METTL25B: variants seen among roughly 807,000 people sequenced by gnomAD.
METTL25B encodes the protein methyltransferase-like protein 25B.
METTL25B carries 38 observed loss-of-function variants against 48.4 expected under a neutral mutation model. The observed-to-expected ratio is 0.78, with a 90% confidence interval of 0.61 to 1.03. METTL25B has a LOEUF of 1.03. Among genes scored for constraint, METTL25B ranks in the 50% least tolerant of loss-of-function variants. The pLI, the probability that METTL25B is intolerant of heterozygous loss-of-function variation, is 0.00. For synonymous variants in METTL25B, 230 were observed against 254.5 expected, an observed-to-expected ratio of 0.90 and a Z score of 0.92; for missense variants, 537 against 603.7, an observed-to-expected ratio of 0.89 and a Z score of 1.16.
At chr1:156,736,457 G>A (rs1329771089) in intron 7 of METTL25B, 175 bp from the exon 8 acceptor site, 20 of 655,172 alleles carry the variant, frequency 3.1e-5, no homozygotes, top group Non-Finnish European at 5.0e-5. Flanking sequence ...AATGCAAGAG[G>A]ACTGCCTCCC....
intron 1 of METTL25B, among the ~76,000 whole-genome samples, chr1:156,730,313 G>T (rs907530955): frequency 6.6e-6 from 1 of 152,188 alleles, no homozygotes; most frequent in African/African-American, 2.4e-5. Flanking sequence ...CTGCTGGCCT[G>T]ATTTCTGTTC....
Position 156,734,401 on chromosome 1 carries a change from A to C in METTL25B, c.1029A>C (p.Ala343=). Residue 343 remains alanine (A), a synonymous_variant, in exon 6 of 8, where the codon GCA becomes GCC. Transcript: ENST00000368216. ...GPGLRTHCYR[A]ALETVIRRAR... ...GCCTTCGAACTCACTGCTACCGTGC[A>C]GCACTGGAGACAGTCATCCGACGGG... 3 of 1,613,294 alleles carry C rather than the reference A, an allele frequency of 1.9e-6. No individual in the cohort carries two copies. The highest frequency in any genetic ancestry group is 2.5e-6 in the Non-Finnish European group (3 of 1,179,656).
chr1:156,736,702 C>A lies in METTL25B; in HGVS notation c.1377C>A (p.Thr459=), dbSNP rs755174216. 13 of 1,613,690 alleles carry A rather than the reference C, an allele frequency of 8.1e-6. No individual in the cohort carries two copies. In the East Asian group the frequency reaches 2.9e-4, roughly 36 times the overall value. ...LSPRNLVLVA[T]KMPLGQALSV... is the part of the protein sequence containing the mutation. Reference sequence around the variant, plus strand: ...CCAGAAACCTGGTTCTGGTGGCCACCAAGATGCCCCTGGGTCAGGCTCTTT... The same window carrying A: ...CCAGAAACCTGGTTCTGGTGGCCACAAAGATGCCCCTGGGTCAGGCTCTTT... Residue 459 remains threonine, a synonymous_variant, in exon 8 of 8, where the codon ACC becomes ACA. Coordinates refer to ENST00000368216, the MANE Select transcript of METTL25B (RefSeq NM_015997.4).
chr1:156,729,827 A>AG (rs1250980088), intron 1 of METTL25B, among the ~76,000 whole-genome samples: 1 of 152,212 alleles, frequency 6.6e-6, no homozygotes, highest in Non-Finnish European at 1.5e-5. Flanking sequence ...CCCAGTCTGA[A>AG]GGATTATTGT....
Position 156,733,033 on chromosome 1 carries a change from G to A in METTL25B, c.478G>A (p.Val160Met), listed in dbSNP as rs367820508. ...CACAGGCTGCACCCAGGTTGTAGAC[G>A]TGGGCTCAGGCCAGGTGAGCCAGAG... ...DFTGCTQVVD[V>M]GSGQGHLSRF... Residue 160 changes from valine (V) to methionine (M), a missense_variant, in exon 4 of 8, where the codon GTG (valine) becomes ATG (methionine). Coordinates refer to ENST00000368216, the MANE Select transcript of METTL25B (RefSeq NM_015997.4). 40 of 1,613,958 alleles carry A rather than the reference G, an allele frequency of 2.5e-5. No individual in the cohort carries two copies. Among genetic ancestry groups the A allele is most frequent in the East Asian group, 1.1e-4 (5 of 44,884 alleles).
In METTL25B at chr1:156,736,627, C is replaced by T. The variant is rs1558024634; in HGVS notation, c.1307-5C>T. Reference sequence around the variant, plus strand: ...TTCCCCTTATGATTAAGCCCTTTCTCCCAGGTTTCCATGCTGAGCTCCTGC... The same window carrying T: ...TTCCCCTTATGATTAAGCCCTTTCTTCCAGGTTTCCATGCTGAGCTCCTGC... On this transcript the variant is annotated splice_polypyrimidine_tract_variant and splice_region_variant and intron_variant, in intron 7 of 7. Coordinates refer to ENST00000368216, the MANE Select transcript of METTL25B (RefSeq NM_015997.4). The T allele has an allele frequency of 1.9e-6, 3 of 1,613,940 alleles. No individual in the cohort carries two copies. The highest frequency in any genetic ancestry group is 2.5e-6 in the Non-Finnish European group (3 of 1,179,944).
chr1:156,735,697 T>C (rs1218656265), intron 6 of METTL25B, 28 bp from the exon 7 acceptor site: 9 of 1,550,888 alleles, frequency 5.8e-6, no homozygotes, highest in African/African-American at 1.4e-5. Context: ...AAAACCAAAC[T>C]GAGTGCTGAA....
Position 156,736,910 on chromosome 1 carries a change from T to C in METTL25B, c.*157T>C. 1 of 673,790 alleles carries C rather than the reference T, an allele frequency of 1.5e-6. No individual in the cohort carries two copies. The highest frequency in any genetic ancestry group is 2.4e-6 in the Non-Finnish European group (1 of 412,902). The allele number at this position is 673,790 out of a possible 1,614,324, so 41.7% of individuals were successfully genotyped here. A position where few individuals can be genotyped will look rare whatever the true frequency, so the allele number is the denominator to read the frequency against. ...TTCTCTCCTTCCATGGATTATGTAA[T>C]ACATTGTAAAGTTTTAATTAATTAA... On this transcript the variant is annotated 3_prime_UTR_variant, in exon 8 of 8. Transcript: ENST00000368216.
At chr1:156,730,926 TA>T (rs1036313176) in intron 1 of METTL25B, among the ~76,000 whole-genome samples, 1 of 152,264 alleles carries the variant, frequency 6.6e-6, no homozygotes, top group Non-Finnish European at 1.5e-5. Context: ...GAGAAGGTGT[TA>T]AATAAGTGTT....
intron 1 of METTL25B, among the ~76,000 whole-genome samples, chr1:156,731,276 A>G (rs1170698465): frequency 6.6e-6 from 1 of 152,198 alleles, no homozygotes; most frequent in Non-Finnish European, 1.5e-5. Context: ...GGCGTGTGCC[A>G]ACATGCCTGG....
Position 156,732,973 on chromosome 1 carries a change from C to T in METTL25B, c.430-12C>T, listed in dbSNP as rs1173002321. On this transcript the variant is annotated splice_polypyrimidine_tract_variant and intron_variant, in intron 3 of 7. Transcript: ENST00000368216. ...CCAGTGGCTAGGAGACCTTTGTTTC[C>T]TCCTTTTTCAGTTGGTGAAGAAGCT... is the stretch of plus-strand genomic sequence containing the variant. 6.2e-7 allele frequency: 1 copy of T among 1,613,890 alleles called. No homozygotes were observed. Among genetic ancestry groups the T allele is most frequent in the East Asian group, 2.2e-5 (1 of 44,854 alleles).
intron 3 of METTL25B, 40 bp from the exon 4 acceptor site, chr1:156,732,945 T>A (rs1250484980): frequency 2.5e-6 from 4 of 1,583,876 alleles, no homozygotes; most frequent in South Asian, 2.2e-5. Flanking sequence ...CAGGAGTCAA[T>A]AACCAGTGGC....
chr1:156,733,434 G>C lies in METTL25B; in HGVS notation c.550G>C (p.Gly184Arg). The C allele has an allele frequency of 6.2e-7, 1 of 1,614,066 alleles. No individual in the cohort carries two copies. The change falls in exon 5 of 8, where the codon GGG becomes CGG. Residue 184 changes from glycine to arginine, a missense_variant. Physicochemically the swap from Gly to Arg is moderately radical, Grantham distance 125 (BLOSUM62 -2). Coordinates refer to ENST00000368216, the MANE Select transcript of METTL25B (RefSeq NM_015997.4). ...GGGGTTGATGGTGAAGAGCATCGAA[G>C]GGGATCAGAGACTGGTGGAGAGAGC... ...GLGLMVKSIE[G>R]DQRLVERAQR...
Position 156,736,657 on chromosome 1 carries a change from C to T in METTL25B, c.1332C>T (p.Ile444=). Residue 444 remains isoleucine (I), a synonymous_variant, in exon 8 of 8, where the codon ATC becomes ATT. Transcript: ENST00000368216. The stretch of plus-strand genomic sequence containing the variant: ...GTTTCCATGCTGAGCTCCTGCCCAT[C>T]TTCAGTCCTGAACTCTCTCCCAGAA... ...EQGFHAELLP[I]FSPELSPRNL... 1 of 1,613,972 alleles carries T rather than the reference C, an allele frequency of 6.2e-7. No homozygotes were observed. The highest frequency in any genetic ancestry group is 8.5e-7 in the Non-Finnish European group (1 of 1,179,930).
chr1:156,732,893 T>G lies in METTL25B; in HGVS notation c.430-92T>G, dbSNP rs1558020131. On this transcript the variant is annotated intron_variant, in intron 3 of 7. Transcript: ENST00000368216. Reference sequence around the variant, plus strand: ...AGGGCACCCTCTGTCCATCTTTCTCTGTCATCTTTGTCTCTTCCACTCTCA... The same window carrying G: ...AGGGCACCCTCTGTCCATCTTTCTCGGTCATCTTTGTCTCTTCCACTCTCA... The G allele has an allele frequency of 8.2e-6, 9 of 1,094,090 alleles. No homozygotes were observed. In the South Asian group the frequency reaches 1.2e-4, roughly 15 times the overall value. 67.8% of individuals were successfully genotyped at this position (1,094,090 alleles called of 1,614,324 possible).
Position 156,734,451 on chromosome 1 carries a change from G to C in METTL25B, c.1079G>C (p.Gly360Ala). The C allele has an allele frequency of 6.2e-7, 1 of 1,603,034 alleles. No individual in the cohort carries two copies. The highest frequency in any genetic ancestry group is 8.5e-7 in the Non-Finnish European group (1 of 1,175,018). ...RRARPELRRPGVQGIPRVHEL... is the reference protein window; with the variant it reads ...RRARPELRRPAVQGIPRVHEL... ...GCCCGGCCCGAGCTCCGTCGGCCAG[G>C]CGTGCAGGGTATCCCCAGGGTCCAC... is the stretch of plus-strand genomic sequence containing the variant. The change falls in exon 6 of 8, where the codon GGC (glycine) becomes GCC (alanine). Residue 360 changes from glycine to alanine, a missense_variant. Physicochemically the swap from Gly to Ala is moderately conservative, Grantham distance 60. Coordinates refer to ENST00000368216, the MANE Select transcript of METTL25B (RefSeq NM_015997.4).
Position 156,728,742 on chromosome 1 carries a change from C to T in METTL25B, c.-363C>T. On this transcript the variant is annotated 5_prime_UTR_variant, in exon 1 of 8. Transcript: ENST00000368216. ...GCAGCCCGCCGGACACCTCCGGCTTCACTTCCGTAAGAGGAGAGGAGTGTA... is the reference window on the plus strand; with the variant it reads ...GCAGCCCGCCGGACACCTCCGGCTTTACTTCCGTAAGAGGAGAGGAGTGTA... 9.9e-7 allele frequency: 1 copy of T among 1,010,278 alleles called. No individual in the cohort carries two copies. Among genetic ancestry groups the T allele is most frequent in the Non-Finnish European group, 1.2e-6 (1 of 845,710 alleles). 62.6% of individuals were successfully genotyped at this position (1,010,278 alleles called of 1,614,324 possible).
At chr1:156,732,861 C>T in intron 3 of METTL25B, 124 bp from the exon 4 acceptor site, 1 of 833,256 alleles carries the variant, frequency 1.2e-6, no homozygotes. Context: ...AATCTGTCTT[C>T]ACATCCAGGG....
rs756021488 is a variant in METTL25B, at chr1:156,735,903, G to C, written c.1300G>C (p.Glu434Gln). The C allele has an allele frequency of 2.5e-6, 4 of 1,610,838 alleles. No individual in the cohort carries two copies. The highest frequency in any genetic ancestry group is 3.4e-6 in the Non-Finnish European group (4 of 1,178,158). Residue 434 changes from glutamate (E) to glutamine (Q), a missense_variant, in exon 7 of 8, where the codon GAA becomes CAA. Glu to Gln is a conservative substitution (Grantham distance 29). Coordinates refer to ENST00000368216, the MANE Select transcript of METTL25B (RefSeq NM_015997.4). ...ACTGGACCGGCTGCTGTACCTTCAG[G>C]AACAGGGTGAGGGTGGCCTACAGCA... ...ILLDRLLYLQ[E>Q]QGFHAELLPI...
Sources: allele counts gnomAD v4.1 joint callset (sites outside exome capture counted in the v4.1 genomes callset), GRCh38; gene constraint gnomAD v4.1.1; transcripts MANE v1.5; gene names NCBI Gene and HGNC (gene_info 2026-07-23, HGNC 2026-07-21).